The following OSTM1 variants were observed in gnomAD, a reference collection of about 807,000 sequenced individuals.
The protein encoded by OSTM1 is osteoclastogenesis associated transmembrane protein 1, also known as osteopetrosis-associated transmembrane protein 1.
Under a neutral mutation model 35.4 loss-of-function variants are expected in OSTM1, and 26 were observed. That is an observed-to-expected ratio of 0.73 (90% confidence interval 0.54 to 1.02). The LOEUF (loss-of-function observed/expected upper bound fraction) is 1.02. OSTM1 is among the 50% of genes least tolerant of loss of function. The probability of loss-of-function intolerance (pLI) is 0.00; values close to 1 mark genes in which losing one functional copy is unlikely to be tolerated. For synonymous variants in OSTM1, 181 were observed against 165.0 expected (o/e 1.10, Z -0.75); for missense variants, 366 against 409.6 (o/e 0.89, Z 0.92).
At chr6:108,068,724 T>C (rs1156990701) in intron 1 of OSTM1, among the ~76,000 whole-genome samples, 1 of 147,886 alleles carries the variant, frequency 6.8e-6, no homozygotes, top group Non-Finnish European at 1.5e-5. Flanking sequence ...CCCCAGCCCC[T>C]ACCCTCTCCA....
intron 1 of OSTM1, among the ~76,000 whole-genome samples, chr6:108,071,977 G>C (rs1302751552): frequency 6.6e-6 from 1 of 152,132 alleles, no homozygotes; most frequent in East Asian, 1.9e-4. Context: ...CATGCAGATT[G>C]GGTGATGCCC....
chr6:108,047,652 G>A (rs1304737374), intron 5 of OSTM1, among the ~76,000 whole-genome samples: 2 of 152,214 alleles, frequency 1.3e-5, no homozygotes, highest in Non-Finnish European at 2.9e-5. Context: ...GGGTTTACCA[G>A]TGGAGGGAGA....
Position 108,045,881 on chromosome 6 carries a change from G to A in OSTM1, c.950-1041C>T, listed in dbSNP as rs12530383. 6.9e-3 allele frequency among the ~76,000 whole-genome samples: 1,044 copies of A among 152,168 alleles called. 12 individuals are homozygous for A. The highest frequency in any genetic ancestry group is 0.024 in the African/African-American group (992 of 41,526). On this transcript the variant is annotated intron_variant, in intron 5 of 5. Transcript: ENST00000193322. ...AGAGCTTCACAAAACTTGGGTAGGG[G>A]TTATGATTTAGAAGCTCTGCAATGG...
chr6:108,051,889 A>T (rs1772079848), intron 3 of OSTM1, among the ~76,000 whole-genome samples: 1 of 152,244 alleles, frequency 6.6e-6, no homozygotes, highest in African/African-American at 2.4e-5. Context: ...TTCAAGAATA[A>T]GTTTGCTAAA....
intron 1 of OSTM1, among the ~76,000 whole-genome samples, chr6:108,068,124 C>A (rs974560585): frequency 6.6e-6 from 1 of 152,154 alleles, no homozygotes; most frequent in African/African-American, 2.4e-5. Context: ...AATAACCACC[C>A]CTTCCCTTTT....
rs1482329195 is a variant in OSTM1 at position 108,041,538 on chromosome 6, TG to T, written c.*3246del. The T allele has an allele frequency of 6.6e-6, 1 of 152,202 alleles. No homozygotes were observed. The highest frequency in any genetic ancestry group is 1.5e-5 in the Non-Finnish European group (1 of 68,034). 9.4% of individuals were successfully genotyped at this position (152,202 alleles called of 1,614,324 possible). On this transcript the variant is annotated 3_prime_UTR_variant, in exon 6 of 6. Transcript: ENST00000193322. ...TTAGAACAAGGAAATTTAGTAGAGT[TG>T]TAACATTTTGGTGCTACATGTATAA...
chr6:108,073,156 A>G (rs1373698796), intron 1 of OSTM1, among the ~76,000 whole-genome samples: 2 of 152,210 alleles, frequency 1.3e-5, no homozygotes, highest in African/African-American at 2.4e-5. Context: ...GCAGGATCCA[A>G]CTAGGTACAA....
chr6:108,056,646 C>A (rs561297163), intron 2 of OSTM1, among the ~76,000 whole-genome samples: 7 of 152,282 alleles, frequency 4.6e-5, no homozygotes, highest in African/African-American at 1.7e-4. Context: ...TCATTCCTGC[C>A]TCCAGAAGCT....
At chr6:108,064,333 G>T (rs1426201611) in intron 1 of OSTM1, 34 bp from the exon 2 acceptor site, 1 of 1,169,268 alleles carries the variant, frequency 8.6e-7, no homozygotes, top group South Asian at 1.2e-5. Flanking sequence ...AATACAATCT[G>T]AGTATTTTCA....
In OSTM1 at chr6:108,050,424, C is replaced by T. The variant is rs987085217; in HGVS notation, c.783+607G>A. ...TGTCGCCCAGGCTGGAGTGCACTGGCACGATCTCAGCTCACTGCAACCTCT... is the reference window on the plus strand; with the variant it reads ...TGTCGCCCAGGCTGGAGTGCACTGGTACGATCTCAGCTCACTGCAACCTCT... On this transcript the variant is annotated intron_variant, in intron 4 of 5. Coordinates refer to ENST00000193322, the MANE Select transcript of OSTM1 (RefSeq NM_014028.4). 9.6e-5 allele frequency among the ~76,000 whole-genome samples: 13 copies of T among 135,342 alleles called. No individual in the cohort carries two copies. The East Asian group carries it at 2.6e-3, about 27-fold the overall frequency. 88.8% of individuals were successfully genotyped at this position (135,342 alleles called of 152,430 possible).
At chr6:108,056,841 C>T (rs1035902384) in intron 2 of OSTM1, among the ~76,000 whole-genome samples, 8 of 152,194 alleles carry the variant, frequency 5.3e-5, no homozygotes, top group Non-Finnish European at 1.0e-4. Context: ...TCTAACTTCT[C>T]ACCCTTATTT....
rs933044981 is a variant in OSTM1 at position 108,041,475 on chromosome 6, C to T, written c.*3310G>A. 8 of 152,254 alleles carry T rather than the reference C, an allele frequency of 5.3e-5. No individual in the cohort carries two copies. The highest frequency in any genetic ancestry group is 1.9e-4 in the African/African-American group (8 of 41,538). 9.4% of individuals were successfully genotyped at this position (152,254 alleles called of 1,614,324 possible). Reference sequence around the variant, plus strand: ...AAGTTATTTGTCATTAAACATGTTACATGTATGACTAATATTTATTATAGC... The same window carrying T: ...AAGTTATTTGTCATTAAACATGTTATATGTATGACTAATATTTATTATAGC... On this transcript the variant is annotated 3_prime_UTR_variant, in exon 6 of 6. Transcript: ENST00000193322.
chr6:108,050,475 T>C (rs1772057863), intron 4 of OSTM1, among the ~76,000 whole-genome samples: 1 of 149,616 alleles, frequency 6.7e-6, no homozygotes, highest in African/African-American at 2.5e-5. Context: ...GCGATTCTCC[T>C]GCCTCAGCCT....
intron 2 of OSTM1, among the ~76,000 whole-genome samples, chr6:108,063,024 TTTTTTTAAGACAGGGTC>T (rs1163744656): frequency 6.6e-6 from 1 of 151,504 alleles, no homozygotes; most frequent in Non-Finnish European, 1.5e-5. Flanking sequence ...TACTTTTTTT[TTTTTTTAAGACAGGGTC>T]TTGCTCTGTT....
In OSTM1 at chr6:108,043,808, A is replaced by G. The variant is rs760069736; in HGVS notation, c.*977T>C. 1.3e-5 allele frequency: 2 copies of G among 152,046 alleles called. No individual in the cohort carries two copies. Among genetic ancestry groups the G allele is most frequent in the Non-Finnish European group, 2.9e-5 (2 of 68,004 alleles). The allele number at this position is 152,046 out of a possible 1,614,324, so 9.4% of individuals were successfully genotyped here. On this transcript the variant is annotated 3_prime_UTR_variant, in exon 6 of 6. Coordinates refer to ENST00000193322, the MANE Select transcript of OSTM1 (RefSeq NM_014028.4). The stretch of plus-strand genomic sequence containing the variant: ...GTTCCGATTCATCCCCTCAATACAC[A>G]CCACTGTCCAACAGTCTTACAGTGA...
intron 2 of OSTM1, among the ~76,000 whole-genome samples, chr6:108,059,886 G>T (rs1772242003): frequency 6.6e-6 from 1 of 152,138 alleles, no homozygotes; most frequent in African/African-American, 2.4e-5. Context: ...TCTGGAAAAT[G>T]AAATAGCTAA....
At chr6:108,061,966 A>G (rs1772280290) in intron 2 of OSTM1, among the ~76,000 whole-genome samples, 1 of 152,204 alleles carries the variant, frequency 6.6e-6, no homozygotes, top group Non-Finnish European at 1.5e-5. Flanking sequence ...CAAGACTCCC[A>G]ATGGATGCTT....
At chr6:108,062,535 C>CTTTTTTTT (rs780041339) in intron 2 of OSTM1, among the ~76,000 whole-genome samples, 141 of 131,006 alleles carry the variant, frequency 1.1e-3, no homozygotes, top group East Asian at 3.1e-3. Flanking sequence ...CTTTTCTTTT[C>CTTTTTTTT]TTTTTTTTTT....
chr6:108,053,310 T>C (rs917299972), intron 3 of OSTM1, among the ~76,000 whole-genome samples: 3 of 152,208 alleles, frequency 2.0e-5, no homozygotes, highest in Admixed American at 2.0e-4. Context: ...TAACTGAAAC[T>C]GTGGAAAGTG....
Sources: gnomAD v4.1 joint callset for allele counts (sites outside exome capture counted in the v4.1 genomes callset) on GRCh38, gnomAD v4.1.1 for gene constraint, MANE v1.5 for transcripts, NCBI Gene and HGNC (gene_info 2026-07-23, HGNC 2026-07-21) for gene names.